The following RAP1GAP variants were observed in gnomAD, a reference collection of about 807,000 sequenced individuals.
RAP1GAP encodes the protein rap1 GTPase-activating protein 1.
A neutral mutation model predicts 87.2 loss-of-function variants in RAP1GAP; 35 were observed. The observed-to-expected ratio is 0.40, with a 90% CI of 0.31 to 0.53. The LOEUF (loss-of-function observed/expected upper bound fraction) is 0.53, where lower values mean the gene tolerates loss of function less well. Among genes scored for constraint, RAP1GAP ranks in the 20% least tolerant of loss-of-function variants. The pLI, the probability that RAP1GAP is intolerant of heterozygous loss-of-function variation, is 0.48. For missense variants in RAP1GAP, 734 were observed against 898.9 expected (o/e 0.82, Z 2.35); for synonymous variants, 375 against 363.9 (o/e 1.03, Z -0.35).
intron 3 of RAP1GAP, among the ~76,000 whole-genome samples, chr1:21,624,211 C>G (rs2090696934): frequency 6.6e-6 from 1 of 152,140 alleles, no homozygotes; most frequent in Non-Finnish European, 1.5e-5. Context: ...TCCTGGGTAG[C>G]TCGATGCCTG....
intron 1 of RAP1GAP, among the ~76,000 whole-genome samples, chr1:21,656,439 A>C (rs59211990): frequency 0.01 from 1,570 of 151,264 alleles, 127 homozygotes; most frequent in African/African-American, 0.034. Context: ...AAAAAAAAAA[A>C]AAAAAAAAAA....
chr1:21,648,414 CAG>C (rs1045176211), intron 2 of RAP1GAP, among the ~76,000 whole-genome samples: 1 of 152,242 alleles, frequency 6.6e-6, no homozygotes, highest in African/African-American at 2.4e-5. Flanking sequence ...GGGCTCTGCA[CAG>C]AGTCTGGAAG....
chr1:21,603,939 G>A lies in RAP1GAP; in HGVS notation c.1429-1026C>T. ...TGGCAAGCAGCAGAGGGCGGGGGCA[G>A]AGAGAGAGAGACAGAGAGAGAGTCA... is the stretch of plus-strand genomic sequence containing the variant. On this transcript the variant is annotated intron_variant, in intron 18 of 24. Coordinates refer to ENST00000374765, the MANE Select transcript of RAP1GAP (RefSeq NM_002885.4). The surrounding 1 kb of genome is among the most constrained non-coding windows in gnomAD (Gnocchi z 6.0). The A allele has an allele frequency of 1.7e-6, 2 of 1,197,444 alleles. No homozygotes were observed. Among genetic ancestry groups the A allele is most frequent in the Non-Finnish European group, 2.3e-6 (2 of 886,164 alleles). The allele number at this position is 1,197,444 out of a possible 1,614,324, so 74.2% of individuals were successfully genotyped here.
intron 18 of RAP1GAP, among the ~76,000 whole-genome samples, chr1:21,605,029 A>G (rs1197130397): frequency 1.7e-5 from 2 of 117,804 alleles, no homozygotes; most frequent in African/African-American, 3.3e-5. Context: ...AGATGGGTGG[A>G]TGGGTGGGTG....
intron 16 of RAP1GAP, 136 bp downstream of exon 16, chr1:21,608,714 C>T: frequency 3.5e-6 from 3 of 857,852 alleles, no homozygotes; most frequent in East Asian, 2.5e-5. Context: ...CCTACTCGTC[C>T]ATCAATCCAT....
chr1:21,657,967 C>A (rs896416773), intron 1 of RAP1GAP, among the ~76,000 whole-genome samples: 1 of 152,144 alleles, frequency 6.6e-6, no homozygotes, highest in Non-Finnish European at 1.5e-5. Flanking sequence ...TGGCTCTGCC[C>A]CCCAGAGGGC....
At chr1:21,656,683 T>G (rs1181065064) in intron 1 of RAP1GAP, among the ~76,000 whole-genome samples, 1 of 152,184 alleles carries the variant, frequency 6.6e-6, no homozygotes, top group Non-Finnish European at 1.5e-5. Context: ...GTGAGGTTAC[T>G]GAGCCAGCCT....
chr1:21,666,712 C>T (rs1217673001), intron 1 of RAP1GAP, among the ~76,000 whole-genome samples: 2 of 152,172 alleles, frequency 1.3e-5, no homozygotes, highest in Non-Finnish European at 2.9e-5. Flanking sequence ...GTAATTCATG[C>T]GTGTGTGCAC....
rs996794503 is a variant in RAP1GAP, at chr1:21,634,335, T to C, written c.-112-7938A>G. On this transcript the variant is annotated intron_variant, in intron 2 of 24. Transcript: ENST00000374765. The surrounding 1 kb of genome is among the most constrained non-coding windows in gnomAD (Gnocchi z 4.1). ...TAGGACTCTAGAGGGAGCGTGGCGA[T>C]GGGGTAGAGGAGCGGCAGGGGGACT... Among the ~76,000 whole-genome samples the C allele has an allele frequency of 6.6e-6, 1 of 152,092 alleles. No homozygotes were observed. Among genetic ancestry groups the C allele is most frequent in the Non-Finnish European group, 1.5e-5 (1 of 67,990 alleles).
chr1:21,635,245 TTC>T (rs1436897863), intron 2 of RAP1GAP, among the ~76,000 whole-genome samples: 6 of 152,124 alleles, frequency 3.9e-5, no homozygotes, highest in Non-Finnish European at 7.4e-5. Flanking sequence ...CGCCTATGCT[TTC>T]TGTCTCTCCT....
intron 1 of RAP1GAP, among the ~76,000 whole-genome samples, chr1:21,655,344 G>A (rs962731232): frequency 1.3e-5 from 2 of 152,216 alleles, no homozygotes; most frequent in African/African-American, 2.4e-5. Flanking sequence ...GACAGACTGG[G>A]GAAGATCTGT....
chr1:21,644,897 T>C (rs1318447069), intron 2 of RAP1GAP, among the ~76,000 whole-genome samples: 2 of 64,256 alleles, frequency 3.1e-5, no homozygotes, highest in East Asian at 3.8e-4. Context: ...TGAGACCCTG[T>C]CTCAAAAAAA....
chr1:21,655,969 C>A (rs1012073927), intron 1 of RAP1GAP, among the ~76,000 whole-genome samples: 8 of 152,250 alleles, frequency 5.3e-5, no homozygotes, highest in Non-Finnish European at 1.0e-4. Flanking sequence ...CTCCCCGAGT[C>A]ATACTCATTC....
At chr1:21,649,946 C>T (rs1204813321) in intron 1 of RAP1GAP, 150 bp from the exon 2 acceptor site, 13 of 779,696 alleles carry the variant, frequency 1.7e-5, no homozygotes, top group East Asian at 8.1e-5. Flanking sequence ...TCACTATCAC[C>T]CTTAGGCTGC....
chr1:21,601,566 CCT>C, intron 20 of RAP1GAP, 116 bp downstream of exon 20: 1 of 665,818 alleles, frequency 1.5e-6, no homozygotes, highest in Non-Finnish European at 2.3e-6. Context: ...CCCAGGTCCC[CCT>C]GACACCCTGC....
intron 1 of RAP1GAP, among the ~76,000 whole-genome samples, chr1:21,664,075 T>A (rs1439216928): frequency 2.6e-5 from 4 of 152,310 alleles, no homozygotes; most frequent in Middle Eastern, 3.4e-3. Flanking sequence ...TTGCCTGAGC[T>A]CACCCAGCTA....
intron 4 of RAP1GAP, 152 bp downstream of exon 4, chr1:21,619,863 G>A (rs1171040148): frequency 2.5e-6 from 2 of 803,782 alleles, no homozygotes; most frequent in African/African-American, 3.4e-5. Flanking sequence ...CTGACCTCCA[G>A]ACAGAGGACC....
chr1:21,606,342 A>C, intron 17 of RAP1GAP, 145 bp from the exon 18 acceptor site: 1 of 1,258,770 alleles, frequency 7.9e-7, no homozygotes, highest in East Asian at 2.6e-5. Context: ...GCATGTGGCC[A>C]GCAGGGCAAC....
chr1:21,599,974 C>T (rs2066835721), intron 20 of RAP1GAP, among the ~76,000 whole-genome samples: 1 of 152,206 alleles, frequency 6.6e-6, no homozygotes, highest in East Asian at 1.9e-4. Flanking sequence ...CCGGGCACTG[C>T]TCTACGTGCC....
Sources: allele counts gnomAD v4.1 joint callset (sites outside exome capture counted in the v4.1 genomes callset), GRCh38; gene constraint gnomAD v4.1.1; non-coding constraint Gnocchi (gnomAD v3.1); transcripts MANE v1.5; gene names NCBI Gene and HGNC (gene_info 2026-07-23, HGNC 2026-07-21).